The following SWT1 variants were observed in gnomAD, a reference collection of about 807,000 sequenced individuals.
The protein encoded by SWT1 is SWT1 RNA endoribonuclease homolog.
A neutral mutation model predicts 107.3 loss-of-function variants in SWT1; 33 were observed. The observed-to-expected ratio is 0.31, with a 90% CI of 0.23 to 0.41. The LOEUF (loss-of-function observed/expected upper bound fraction) is 0.41. Among genes scored for constraint, SWT1 ranks in the 10% least tolerant of loss-of-function variants. The pLI, the probability that SWT1 is intolerant of heterozygous loss-of-function variation, is 1.00. For synonymous variants in SWT1, 345 were observed against 348.3 expected, an observed-to-expected ratio of 0.99 and a Z score of 0.11; for missense variants, 898 against 1,028.9, an observed-to-expected ratio of 0.87 and a Z score of 1.74.
rs560630885 is a variant in SWT1, at chr1:185,176,003, G to A, written c.966+890G>A. ...AGAATTAGTTTAGAAAGGTATACTG[G>A]AGGGGACTGGATACAATGGCTCACG... On this transcript the variant is annotated intron_variant, in intron 5 of 18. Transcript: ENST00000367500. Among the ~76,000 whole-genome samples the A allele has an allele frequency of 2.0e-4, 31 of 152,274 alleles. No homozygotes were observed. The South Asian group carries it at 6.2e-3, about 31-fold the overall frequency.
intron 16 of SWT1, among the ~76,000 whole-genome samples, chr1:185,232,905 TG>T (rs1278596354): frequency 2.6e-5 from 4 of 152,174 alleles, no homozygotes. Context: ...GTAATTAGTC[TG>T]GGGTGTGCCT....
At chr1:185,240,893 AC>A (rs1553261755) in intron 16 of SWT1, among the ~76,000 whole-genome samples, 1 of 152,062 alleles carries the variant, frequency 6.6e-6, no homozygotes, top group Non-Finnish European at 1.5e-5. Flanking sequence ...GTAAGAACAG[AC>A]CATATATGGT....
intron 18 of SWT1, among the ~76,000 whole-genome samples, chr1:185,277,391 C>T (rs573962129): frequency 1.1e-4 from 17 of 152,158 alleles, no homozygotes; most frequent in Admixed American, 7.8e-4. Flanking sequence ...CAGGTTCAAG[C>T]GATTCTCCTG....
At chr1:185,176,451 C>T in intron 5 of SWT1, 1 of 486,574 alleles carries the variant, frequency 2.1e-6, no homozygotes, top group African/African-American at 2.1e-5. Flanking sequence ...GAGCAGGGAT[C>T]TAGGCTAGAA....
chr1:185,219,088 T>C (rs1659437678), intron 14 of SWT1, among the ~76,000 whole-genome samples: 1 of 152,258 alleles, frequency 6.6e-6, no homozygotes, highest in Admixed American at 6.5e-5. Context: ...TTTTCATTTA[T>C]GTCTATTCAT....
intron 13 of SWT1, among the ~76,000 whole-genome samples, chr1:185,211,598 A>C (rs1335917433): frequency 2.0e-5 from 3 of 152,158 alleles, no homozygotes; most frequent in East Asian, 3.8e-4. Flanking sequence ...ACACTTTTAC[A>C]CTGTTGGTGG....
intron 14 of SWT1, among the ~76,000 whole-genome samples, chr1:185,218,464 A>G (rs1245886523): frequency 6.6e-6 from 1 of 152,060 alleles, no homozygotes; most frequent in African/African-American, 2.4e-5. Context: ...CATGTGCCAC[A>G]ATGCTGAGCT....
At chr1:185,171,583 A>G (rs1183382630) in intron 4 of SWT1, 1 of 476,610 alleles carries the variant, frequency 2.1e-6, no homozygotes, top group Non-Finnish European at 4.1e-6. Context: ...CTCTCTTGCA[A>G]AAACTGCTCA....
chr1:185,167,167 C>T (rs72741819), intron 3 of SWT1, among the ~76,000 whole-genome samples: 12,939 of 152,164 alleles, frequency 0.085, 696 homozygotes, highest in African/African-American at 0.15. Flanking sequence ...CTCAGCCTCC[C>T]AGAGGTTATA....
chr1:185,211,239 A>G lies in SWT1; in HGVS notation c.1973-3268A>G, dbSNP rs370574080. On this transcript the variant is annotated intron_variant, in intron 13 of 18. Transcript: ENST00000367500. ...AAAAAGAGCCCACATAGCCAAGACA[A>G]TCCTAAGCAAAATGAACAAAACTGG... Among the ~76,000 whole-genome samples the G allele has an allele frequency of 7.9e-5, 12 of 152,276 alleles. No homozygotes were observed. The South Asian group carries it at 2.5e-3, about 32-fold the overall frequency.
chr1:185,269,537 G>A (rs7539575), intron 16 of SWT1, among the ~76,000 whole-genome samples: 78,949 of 151,820 alleles, frequency 0.52, 22,079 homozygotes, highest in African/African-American at 0.74. Context: ...AACTATTTAT[G>A]AAAGCTCTCC....
intron 18 of SWT1, among the ~76,000 whole-genome samples, chr1:185,278,279 A>G (rs1211275106): frequency 6.6e-6 from 1 of 152,214 alleles, no homozygotes; most frequent in Non-Finnish European, 1.5e-5. Flanking sequence ...TAGTACCTTT[A>G]TAAAAGAGAC....
intron 4 of SWT1, among the ~76,000 whole-genome samples, chr1:185,170,727 G>A (rs890691142): frequency 1.3e-5 from 2 of 152,192 alleles, no homozygotes; most frequent in African/African-American, 4.8e-5. Context: ...AACAGTCGTT[G>A]TCCAGACCTT....
In SWT1 at chr1:185,222,065, G is replaced by A. The variant is rs371915297; in HGVS notation, c.2309+29G>A. 6.4e-6 allele frequency: 9 copies of A among 1,397,354 alleles called. No individual in the cohort carries two copies. The African/African-American group carries it at 1.3e-4, about 21-fold the overall frequency. The allele number at this position is 1,397,354 out of a possible 1,614,324, so 86.6% of individuals were successfully genotyped here. A position where few individuals can be genotyped will look rare whatever the true frequency, so the allele number is the denominator to read the frequency against. On this transcript the variant is annotated intron_variant, in intron 15 of 18. Coordinates refer to ENST00000367500, the MANE Select transcript of SWT1 (RefSeq NM_017673.7). Reference sequence around the variant, plus strand: ...CTAAATTTGGGGGAATTTTTTTTTAGTTATTTTTTAAATTGACATTATAAT... The same window carrying A: ...CTAAATTTGGGGGAATTTTTTTTTAATTATTTTTTAAATTGACATTATAAT...
Position 185,197,430 on chromosome 1 carries a change from T to TC in SWT1, c.1524-5224_1524-5223insC, listed in dbSNP as rs201435457. 5.9e-3 allele frequency among the ~76,000 whole-genome samples: 902 copies of TC among 152,326 alleles called. 34 individuals carry two copies. In the East Asian group the frequency reaches 0.096, roughly 16 times the overall value. On this transcript the variant is annotated intron_variant, in intron 10 of 18. Transcript: ENST00000367500. ...GATATTTGTCTGAAATTTTCTTTTT[T>TC]GTTGCATCTCTGCCAGGTTTTGGTA...
At chr1:185,173,663 C>T (rs1199489282) in intron 4 of SWT1, among the ~76,000 whole-genome samples, 3 of 151,798 alleles carry the variant, frequency 2.0e-5, no homozygotes, top group East Asian at 1.9e-4. Context: ...GAGCCAAGAT[C>T]GCGCCACTGC....
At chr1:185,183,463 A>G (rs1024504688) in intron 7 of SWT1, among the ~76,000 whole-genome samples, 7 of 151,658 alleles carry the variant, frequency 4.6e-5, no homozygotes, top group Admixed American at 3.3e-4. Context: ...GCTAATTTTT[A>G]GTAGAGCTGG....
intron 18 of SWT1, among the ~76,000 whole-genome samples, chr1:185,286,329 T>G (rs978382291): frequency 6.6e-6 from 1 of 151,678 alleles, no homozygotes; most frequent in African/African-American, 2.4e-5. Context: ...GTTCAAGCAA[T>G]TTTCCTGCCT....
intron 1 of SWT1, chr1:185,157,666 C>T (rs1156817075): frequency 6.6e-6 from 1 of 152,372 alleles, no homozygotes; most frequent in Non-Finnish European, 1.5e-5. Flanking sequence ...CACCGTGACC[C>T]GAACACTCTT....
Sources: gnomAD v4.1 joint callset for allele counts (sites outside exome capture counted in the v4.1 genomes callset) on GRCh38, gnomAD v4.1.1 for gene constraint, MANE v1.5 for transcripts, NCBI Gene and HGNC (gene_info 2026-07-23, HGNC 2026-07-21) for gene names.